SGCD: variants seen among roughly 807,000 people sequenced by gnomAD.
SGCD encodes sarcoglycan delta.
Under a neutral mutation model 36.6 loss-of-function variants are expected in SGCD, and 18 were observed. The observed-to-expected ratio is 0.49, with a 90% confidence interval of 0.34 to 0.73. The LOEUF is 0.73. Ranked by LOEUF, SGCD falls within the 30% of genes least tolerant of loss-of-function variation. The probability of loss-of-function intolerance (pLI) is 0.01; values close to 1 mark genes in which losing one functional copy is unlikely to be tolerated. For missense variants in SGCD, 387 were observed against 346.7 expected (o/e 1.12, Z -0.92); for synonymous variants, 133 against 130.6 (o/e 1.02, Z -0.12).
rs79179919 is a variant in SGCD, at chr5:156,568,623, A to G, written c.295-20608A>G. Among the ~76,000 whole-genome samples, 44 of 152,342 alleles carry G rather than the reference A, an allele frequency of 2.9e-4. No individual in the cohort carries two copies. In the East Asian group the frequency reaches 5.6e-3, roughly 19 times the overall value. ...CATACTGTCCACACACTGTTGATTG[A>G]TAATTTCTAAAGCCTGAATTGGGCC... On this transcript the variant is annotated intron_variant, in intron 4 of 8. Coordinates refer to ENST00000337851, the MANE Select transcript of SGCD (RefSeq NM_000337.6).
chr5:156,695,963 T>G (rs2113717123), intron 7 of SGCD, among the ~76,000 whole-genome samples: 1 of 152,340 alleles, frequency 6.6e-6, no homozygotes, highest in Non-Finnish European at 1.5e-5. Context: ...AGTACCTGTT[T>G]TGTCAACATG....
chr5:155,994,604 G>T (rs1758501031), intron 1 of SGCD, among the ~76,000 whole-genome samples: 1 of 152,060 alleles, frequency 6.6e-6, no homozygotes, highest in African/African-American at 2.4e-5. Flanking sequence ...TACCAGCTTT[G>T]GTATCTCTGG....
At chr5:156,436,968 A>G (rs754727392) in intron 3 of SGCD, among the ~76,000 whole-genome samples, 1 of 152,154 alleles carries the variant, frequency 6.6e-6, no homozygotes, top group Non-Finnish European at 1.5e-5. Flanking sequence ...GGAGCATCTT[A>G]TGGACAGAAA....
chr5:156,713,413 G>T lies in SGCD; in HGVS notation c.576-44168G>T, dbSNP rs7716066. Among the ~76,000 whole-genome samples, 1,202 of 149,478 alleles carry T rather than the reference G, an allele frequency of 8.0e-3. 17 individuals carry two copies. Among genetic ancestry groups the T allele is most frequent in the African/African-American group, 0.027 (1,095 of 40,074 alleles). Reference sequence around the variant, plus strand: ...AGAATATGGACTTTGAACATGTCGGGGGGGGCGTTATAGGAGGGAGAGAGG... The same window carrying T: ...AGAATATGGACTTTGAACATGTCGGTGGGGGCGTTATAGGAGGGAGAGAGG... On this transcript the variant is annotated intron_variant, in intron 7 of 8. Coordinates refer to ENST00000337851, the MANE Select transcript of SGCD (RefSeq NM_000337.6).
At position 156,764,798 on chromosome 5, in the gene SGCD, A is replaced by T. The variant is rs1337917107; in HGVS notation, c.*5408A>T. 10 of 152,256 alleles carry T rather than the reference A, an allele frequency of 6.6e-5. No homozygotes were observed. Among genetic ancestry groups the T allele is most frequent in the African/African-American group, 2.2e-4 (9 of 41,468 alleles). 9.4% of individuals were successfully genotyped at this position (152,256 alleles called of 1,614,324 possible). On this transcript the variant is annotated 3_prime_UTR_variant, in exon 9 of 9. Coordinates refer to ENST00000337851, the MANE Select transcript of SGCD (RefSeq NM_000337.6). ...GTTAATGATGCTATCAAATCCATCA[A>T]TAAACAGTCTCAAACCTTCCAACAA...
intron 7 of SGCD, among the ~76,000 whole-genome samples, chr5:156,685,127 A>T (rs1025124105): frequency 6.6e-6 from 1 of 151,856 alleles, no homozygotes; most frequent in Non-Finnish European, 1.5e-5. Context: ...AAGATTAAAA[A>T]CCCCTTAAAG....
At chr5:156,591,836 G>A (rs1314907150) in intron 5 of SGCD, among the ~76,000 whole-genome samples, 1 of 152,114 alleles carries the variant, frequency 6.6e-6, no homozygotes, top group Non-Finnish European at 1.5e-5. Flanking sequence ...TTCCAGCCAT[G>A]TCCAGGGAAT....
intron 3 of SGCD, among the ~76,000 whole-genome samples, chr5:156,432,089 G>C (rs1253902506): frequency 2.6e-5 from 4 of 152,174 alleles, no homozygotes; most frequent in African/African-American, 9.7e-5. Context: ...CGGTACTGGG[G>C]AATATCTACA....
chr5:156,431,950 A>T (rs1753031604), intron 3 of SGCD, among the ~76,000 whole-genome samples: 1 of 152,138 alleles, frequency 6.6e-6, no homozygotes, highest in African/African-American at 2.4e-5. Flanking sequence ...TTCTGAACTC[A>T]GGTGATCTGC....
chr5:156,690,301 G>A (rs1232232538), intron 7 of SGCD, among the ~76,000 whole-genome samples: 1 of 152,096 alleles, frequency 6.6e-6, no homozygotes, highest in African/African-American at 2.4e-5. Flanking sequence ...TGATCAAGGT[G>A]TATTATTATT....
At chr5:155,816,151 A>G in the SGCD span, among the ~76,000 whole-genome samples, 1 of 152,208 alleles carries the variant, frequency 6.6e-6, no homozygotes, top group Non-Finnish European at 1.5e-5. Context: ...ATAATGCTTG[A>G]AACATGACAT....
chr5:156,649,161 A>G (rs1469118854), intron 7 of SGCD, among the ~76,000 whole-genome samples: 1 of 152,206 alleles, frequency 6.6e-6, no homozygotes, highest in Non-Finnish European at 1.5e-5. Context: ...CCACAATGAG[A>G]TACCATCTCA....
At chr5:156,734,451 A>T (rs2113024579) in intron 7 of SGCD, among the ~76,000 whole-genome samples, 1 of 152,176 alleles carries the variant, frequency 6.6e-6, no homozygotes, top group South Asian at 2.1e-4. Context: ...GGAAGTTCTC[A>T]TGGATGATAT....
At chr5:156,681,242 T>C (rs1464782879) in intron 7 of SGCD, among the ~76,000 whole-genome samples, 2 of 152,176 alleles carry the variant, frequency 1.3e-5, no homozygotes, top group African/African-American at 2.4e-5. Flanking sequence ...GTAGTGGCTC[T>C]CAGCAGAAAG....
intron 3 of SGCD, among the ~76,000 whole-genome samples, chr5:156,407,713 C>A (rs1401907346): frequency 1.3e-5 from 2 of 152,110 alleles, no homozygotes; most frequent in South Asian, 2.1e-4. Flanking sequence ...GGGGAAATAC[C>A]ACACAAAGTG....
intron 3 of SGCD, among the ~76,000 whole-genome samples, chr5:156,281,240 G>C (rs1766444034): frequency 6.6e-6 from 1 of 152,028 alleles, no homozygotes; most frequent in African/African-American, 2.4e-5. Context: ...CATAAGCCTT[G>C]GTTCCTGATT....
intron 7 of SGCD, among the ~76,000 whole-genome samples, chr5:156,708,119 T>A (rs572036573): frequency 6.6e-6 from 1 of 152,188 alleles, no homozygotes; most frequent in Non-Finnish European, 1.5e-5. Flanking sequence ...AAGAACGGAC[T>A]TTGAAATCAG....
At chr5:156,070,270 T>C (rs1760502399) in intron 1 of SGCD, among the ~76,000 whole-genome samples, 1 of 152,016 alleles carries the variant, frequency 6.6e-6, no homozygotes, top group Admixed American at 6.5e-5. Flanking sequence ...TGTGGGTTTG[T>C]CATAGATAGC....
chr5:156,297,786 A>AT (rs1349202435), intron 3 of SGCD, among the ~76,000 whole-genome samples: 7 of 133,144 alleles, frequency 5.3e-5, no homozygotes, highest in African/African-American at 2.1e-4. Flanking sequence ...TTAAAGTATA[A>AT]TAAAAAAATA....
Sources: allele counts gnomAD v4.1 joint callset (sites outside exome capture counted in the v4.1 genomes callset), GRCh38; gene constraint gnomAD v4.1.1; transcripts MANE v1.5; gene names NCBI Gene and HGNC (gene_info 2026-07-23, HGNC 2026-07-21).